Variants in MTPAP observed in about 807,000 individuals in gnomAD.
The protein encoded by MTPAP is poly(A) RNA polymerase, mitochondrial.
MTPAP carries 23 observed loss-of-function variants against 48.7 expected under a neutral mutation model. The ratio of observed to expected loss-of-function variants is 0.47; its 90% CI spans 0.34 to 0.67. MTPAP has a LOEUF of 0.67. MTPAP is among the 30% of genes least tolerant of loss of function. MTPAP has a pLI of 0.01. For missense variants in MTPAP, 614 were observed against 694.3 expected (o/e 0.88, Z 1.30); for synonymous variants, 257 against 254.1 (o/e 1.01, Z -0.11).
Position 30,313,472 on chromosome 10 carries a change from G to C in MTPAP, c.*137C>G. 1 of 1,224,482 alleles carries C rather than the reference G, an allele frequency of 8.2e-7. No homozygotes were observed. Among genetic ancestry groups the C allele is most frequent in the South Asian group, 1.3e-5 (1 of 79,666 alleles). The allele number at this position is 1,224,482 out of a possible 1,614,324, so 75.9% of individuals were successfully genotyped here. A position where few individuals can be genotyped will look rare whatever the true frequency, so the allele number is the denominator to read the frequency against. On this transcript the variant is annotated 3_prime_UTR_variant, in exon 9 of 9. Coordinates refer to ENST00000263063, the MANE Select transcript of MTPAP (RefSeq NM_018109.4). Reference sequence around the variant, plus strand: ...ATCCCAGAACTTCAGACCAGGTTAAGGGGGCCAATGAGAAGATCATGAAAA... The same window carrying C: ...ATCCCAGAACTTCAGACCAGGTTAACGGGGCCAATGAGAAGATCATGAAAA...
In MTPAP at chr10:30,313,660, T is replaced by C; in HGVS notation, c.1698A>G (p.Thr566=). The part of the protein sequence containing the change: ...NLLESLKGNR[T]ENFTKTSGKR... ...TCCCACTGGTTTTTGTGAAATTTTC[T>C]GTTCTGTTACCTTTTAAAGATTCTA... The change falls in exon 9 of 9, where the codon ACA becomes ACG. Residue 566 remains threonine, a synonymous_variant. Coordinates refer to ENST00000263063, the MANE Select transcript of MTPAP (RefSeq NM_018109.4). The C allele has an allele frequency of 6.2e-7, 1 of 1,614,226 alleles. No individual in the cohort carries two copies. The highest frequency in any genetic ancestry group is 8.5e-7 in the Non-Finnish European group (1 of 1,180,018).
At chr10:30,317,400 A>G (rs790766) in intron 6 of MTPAP, among the ~76,000 whole-genome samples, 1,889 of 152,340 alleles carry the variant, frequency 0.012, 38 homozygotes, top group African/African-American at 0.043. Flanking sequence ...GTAGCACTCT[A>G]GACTAACTGG....
chr10:30,329,032 T>A (rs1834632039), intron 4 of MTPAP, among the ~76,000 whole-genome samples: 1 of 151,732 alleles, frequency 6.6e-6, no homozygotes, highest in South Asian at 2.1e-4. Context: ...TCACTTGAGG[T>A]CAGGAGTTTG....
At chr10:30,320,820 C>A (rs1257812907) in intron 6 of MTPAP, among the ~76,000 whole-genome samples, 2 of 152,194 alleles carry the variant, frequency 1.3e-5, no homozygotes, top group Non-Finnish European at 2.9e-5. Flanking sequence ...GTTCAACTTT[C>A]TTCTGCTCCT....
At chr10:30,335,606 G>A (rs1419740419) in intron 4 of MTPAP, among the ~76,000 whole-genome samples, 1 of 152,138 alleles carries the variant, frequency 6.6e-6, no homozygotes, top group Non-Finnish European at 1.5e-5. Context: ...ATTAGACATC[G>A]TGTTAAAGAG....
At chr10:30,320,454 C>T (rs934592326) in intron 6 of MTPAP, among the ~76,000 whole-genome samples, 9 of 151,894 alleles carry the variant, frequency 5.9e-5, no homozygotes, top group African/African-American at 2.2e-4. Context: ...CCCGGGAGGT[C>T]GAGGCTATAG....
chr10:30,335,210 C>T (rs1005888941), intron 4 of MTPAP, among the ~76,000 whole-genome samples: 5 of 152,130 alleles, frequency 3.3e-5, no homozygotes, highest in East Asian at 3.9e-4. Flanking sequence ...GCCTTGGCCG[C>T]GTGTGGTGAC....
rs760144048 is a variant in MTPAP at position 30,340,383 on chromosome 10, G to C, written c.398C>G (p.Thr133Ser). 6.2e-7 allele frequency: 1 copy of C among 1,614,164 alleles called. No homozygotes were observed. The highest frequency in any genetic ancestry group is 1.7e-5 in the Admixed American group (1 of 60,012). Residue 133 changes from threonine (T) to serine (S), a missense_variant, in exon 3 of 9, where the codon ACT becomes AGT. Transcript: ENST00000263063. ...SIGSLQNGTH[T>S]PSTAMETAIP... ...TGCAGTCTCCATGGCCGTGCTTGGA[G>C]TATGAGTCCCATTCTGCAGTGAACC...
At position 30,310,596 on chromosome 10, in the gene MTPAP, A is replaced by T. The variant is rs997196589; in HGVS notation, c.*3013T>A. ...AGACCCATCTCAAAAAAAAAAAAAA[A>T]AAAGGGTCTTTGTAGGCCAGGTGCG... On this transcript the variant is annotated 3_prime_UTR_variant, in exon 9 of 9. Coordinates refer to ENST00000263063, the MANE Select transcript of MTPAP (RefSeq NM_018109.4). The T allele has an allele frequency of 1.3e-5, 2 of 151,738 alleles. No individual in the cohort carries two copies. Among genetic ancestry groups the T allele is most frequent in the African/African-American group, 4.9e-5 (2 of 41,094 alleles). 9.4% of individuals were successfully genotyped at this position (151,738 alleles called of 1,614,324 possible).
chr10:30,317,942 C>G (rs1840680195), intron 6 of MTPAP, among the ~76,000 whole-genome samples: 1 of 152,134 alleles, frequency 6.6e-6, no homozygotes, highest in Non-Finnish European at 1.5e-5. Context: ...ACTGCAACTT[C>G]CGCGTCCCGG....
intron 1 of MTPAP, among the ~76,000 whole-genome samples, chr10:30,345,200 A>G (rs1388932435): frequency 6.6e-6 from 1 of 152,208 alleles, no homozygotes; most frequent in Non-Finnish European, 1.5e-5. Context: ...ATTCTGTAAC[A>G]TGCTGTAAGA....
At chr10:30,344,469 AAGAATACTTTC>A (rs1276516827) in intron 1 of MTPAP, among the ~76,000 whole-genome samples, 1 of 152,164 alleles carries the variant, frequency 6.6e-6, no homozygotes, top group African/African-American at 2.4e-5. Flanking sequence ...AACAATATGG[AAGAATACTTTC>A]TTCCATATTG....
chr10:30,339,636 A>T (rs1749226309), intron 3 of MTPAP, among the ~76,000 whole-genome samples: 1 of 152,212 alleles, frequency 6.6e-6, no homozygotes, highest in African/African-American at 2.4e-5. Context: ...GGTTACCTGT[A>T]AGTACAAATG....
chr10:30,316,328 C>T (rs551559239), intron 6 of MTPAP, 118 bp from the exon 7 acceptor site: 3 of 786,260 alleles, frequency 3.8e-6, no homozygotes, highest in Non-Finnish European at 6.4e-6. Context: ...ATGCAGCCTC[C>T]ACCTCCCAGG....
chr10:30,338,983 C>G (rs1324730227), intron 3 of MTPAP, among the ~76,000 whole-genome samples: 1 of 151,630 alleles, frequency 6.6e-6, no homozygotes, highest in African/African-American at 2.4e-5. Context: ...ATTAGCCGGG[C>G]ATGGTGGTGG....
chr10:30,315,527 A>C (rs1163787289), intron 8 of MTPAP, among the ~76,000 whole-genome samples: 1 of 151,974 alleles, frequency 6.6e-6, no homozygotes, highest in Non-Finnish European at 1.5e-5. Flanking sequence ...AAACAAAACA[A>C]AACAAAACAA....
At chr10:30,345,926 T>C in intron 1 of MTPAP, among the ~76,000 whole-genome samples, 1 of 151,456 alleles carries the variant, frequency 6.6e-6, no homozygotes. Context: ...CGCGTGCCTG[T>C]AATCCCAGGT....
chr10:30,333,799 G>A (rs886077760), intron 4 of MTPAP, among the ~76,000 whole-genome samples: 1 of 152,050 alleles, frequency 6.6e-6, no homozygotes, highest in African/African-American at 2.4e-5. Flanking sequence ...TCAATCACAC[G>A]GGTGAGGCAG....
chr10:30,324,577 A>G (rs1406718341), intron 5 of MTPAP, among the ~76,000 whole-genome samples: 2 of 152,122 alleles, frequency 1.3e-5, no homozygotes. Context: ...ATAGAATTAA[A>G]TTAAATTAAA....
Sources: allele counts gnomAD v4.1 joint callset (sites outside exome capture counted in the v4.1 genomes callset), GRCh38; gene constraint gnomAD v4.1.1; transcripts MANE v1.5; gene names NCBI Gene and HGNC (gene_info 2026-07-23, HGNC 2026-07-21).